NLRP13: variants seen among roughly 807,000 people sequenced by gnomAD.
NLRP13 encodes the protein NLR family pyrin domain containing 13, also known as NACHT, LRR and PYD domains-containing protein 13.
A neutral mutation model predicts 94.4 loss-of-function variants in NLRP13; 82 were observed. That is an observed-to-expected ratio of 0.87 (90% CI 0.73 to 1.04). The LOEUF is 1.04. NLRP13 is among the 50% of genes least tolerant of loss of function. NLRP13 has a pLI of 0.00. For missense variants in NLRP13, 1,426 were observed against 1,230.8 expected (o/e 1.16, Z -2.37); for synonymous variants, 553 against 464.7 (o/e 1.19, Z -2.45).
At chr19:55,925,547 C>T (rs957564383) in intron 1 of NLRP13, among the ~76,000 whole-genome samples, 3 of 152,102 alleles carry the variant, frequency 2.0e-5, no homozygotes, top group Admixed American at 6.5e-5. Context: ...CACAGAGAAG[C>T]CACTCTAATA....
rs2123150224 is a variant in NLRP13, at chr19:55,929,069, C to T, written c.319+2924G>A. ...TTATTAGAGAAATGCAAATCAAAAC[C>T]ACAATGAGATACCATCTCACGCCAG... On this transcript the variant is annotated intron_variant, in intron 1 of 10. Transcript: ENST00000342929. Among the ~76,000 whole-genome samples, 2 of 152,266 alleles carry T rather than the reference C, an allele frequency of 1.3e-5. 1 individual carries two copies. The highest frequency in any genetic ancestry group is 4.1e-4 in the South Asian group (2 of 4,830).
chr19:55,919,446 T>A (rs1444102372), intron 4 of NLRP13, among the ~76,000 whole-genome samples: 1 of 151,776 alleles, frequency 6.6e-6, no homozygotes, highest in Admixed American at 6.6e-5. Context: ...GTTGATATGA[T>A]CTTATATCTA....
rs1986517384 is a variant in NLRP13 at position 55,911,743 on chromosome 19, T to C, written c.2074A>G (p.Ser692Gly). The C allele has an allele frequency of 6.2e-7, 1 of 1,610,820 alleles. No individual in the cohort carries two copies. The highest frequency in any genetic ancestry group is 1.3e-5 in the African/African-American group (1 of 74,712). The part of the protein sequence containing the change: ...KRLNKLRLSV[S>G]SHILERDLEI... ...AAGTCCCTTTCAAGGATGTGACTGC[T>C]AACAGAAAGCCTTAGCTTATTTAAC... is the stretch of plus-strand genomic sequence containing the variant. The change falls in exon 5 of 11, where the codon AGC (serine) becomes GGC (glycine). Residue 692 changes from serine to glycine, a missense_variant. Coordinates refer to ENST00000342929, the MANE Select transcript of NLRP13 (RefSeq NM_176810.2).
chr19:55,923,498 A>G (rs1274682240), intron 4 of NLRP13, among the ~76,000 whole-genome samples: 2 of 152,128 alleles, frequency 1.3e-5, no homozygotes, highest in African/African-American at 4.8e-5. Context: ...GCGCAGGAGT[A>G]GGGGGTGGAA....
At chr19:55,927,177 T>C (rs1489816838) in intron 1 of NLRP13, among the ~76,000 whole-genome samples, 7 of 151,968 alleles carry the variant, frequency 4.6e-5, no homozygotes, top group Non-Finnish European at 8.8e-5. Context: ...GGGACCAGCC[T>C]GGCCAGCGTG....
intron 1 of NLRP13, among the ~76,000 whole-genome samples, chr19:55,930,898 A>ATATATATACATATATATATACATACACAT: frequency 1.6e-4 from 17 of 104,890 alleles, no homozygotes; most frequent in Admixed American, 2.2e-4. Context: ...ATATATATAT[A>ATATATATACATATATATATACATACACAT]AAATTTTAAC....
chr19:55,908,700 C>G (rs993459853), intron 6 of NLRP13, among the ~76,000 whole-genome samples: 3 of 152,190 alleles, frequency 2.0e-5, no homozygotes, highest in Non-Finnish European at 4.4e-5. Flanking sequence ...CATGTCCTCA[C>G]TTATAAGTGG....
rs942324743 is a variant in NLRP13 at position 55,920,215 on chromosome 19, C to T, written c.523+3699G>A. Among the ~76,000 whole-genome samples, 3 of 152,146 alleles carry T rather than the reference C, an allele frequency of 2.0e-5. No homozygotes were observed. The East Asian group carries it at 5.8e-4, about 29-fold the overall frequency. On this transcript the variant is annotated intron_variant, in intron 4 of 10. Transcript: ENST00000342929. ...AGAGATTTAAATGTAAGACCTGAAA[C>T]TGTAAAAATCCTAGAAGAAAATGTA...
intron 4 of NLRP13, among the ~76,000 whole-genome samples, chr19:55,922,520 G>C (rs916326369): frequency 6.6e-6 from 1 of 152,090 alleles, no homozygotes; most frequent in Non-Finnish European, 1.5e-5. Context: ...TATAGATGGG[G>C]TTTCACCATG....
chr19:55,912,302 G>A lies in NLRP13; in HGVS notation c.1515C>T (p.Ile505=), dbSNP rs304001. The A allele has an allele frequency of 0.61, 976,749 of 1,611,806 alleles. 297,918 individuals are homozygous for A. Among genetic ancestry groups the A allele is most frequent in the East Asian group, 0.71 (31,720 of 44,842 alleles). ...CAATGAAAGGCACTTCCAGGCCCTC[G>A]ATCTCAGTGTCTTCTTTGTTAAACG... The part of the protein sequence containing the change: ...NFTFNKEDTE[I]EGLEVPFIDS... The change falls in exon 5 of 11, where the codon ATC becomes ATT. Residue 505 remains isoleucine (I), a synonymous_variant. Coordinates refer to ENST00000342929, the MANE Select transcript of NLRP13 (RefSeq NM_176810.2).
chr19:55,911,860 T>C lies in NLRP13; in HGVS notation c.1957A>G (p.Lys653Glu). The change falls in exon 5 of 11, where the codon AAG (lysine) becomes GAG (glutamate). Residue 653 changes from lysine (K) to glutamate (E), a missense_variant. By Grantham distance (56) the Lys-to-Glu change is moderately conservative. Transcript: ENST00000342929. ...HESQEEDFTK[K>E]MLGRIFEVDL... ...ACTTCAAAGATACGACCCAACATCT[T>C]CTTTGTGAAGTCTTCCTCCTGGGAC... The C allele has an allele frequency of 6.2e-7, 1 of 1,614,214 alleles. No homozygotes were observed. The highest frequency in any genetic ancestry group is 8.5e-7 in the Non-Finnish European group (1 of 1,180,036).
chr19:55,904,155 C>T (rs961405770), intron 8 of NLRP13, among the ~76,000 whole-genome samples: 4 of 152,150 alleles, frequency 2.6e-5, no homozygotes, highest in African/African-American at 9.7e-5. Flanking sequence ...TGTAGTGGCA[C>T]GATCTCAGCT....
At chr19:55,922,676 T>A (rs1197116439) in intron 4 of NLRP13, among the ~76,000 whole-genome samples, 1 of 152,164 alleles carries the variant, frequency 6.6e-6, no homozygotes, top group Non-Finnish European at 1.5e-5. Flanking sequence ...ACAGAGGCCC[T>A]AGGAAACTAC....
chr19:55,897,855 C>G lies in NLRP13; in HGVS notation c.2957+915G>C, dbSNP rs1986056370. Reference sequence around the variant, plus strand: ...ACAATTTGAGTCGGTTCATTTGATACTAACAAATCCTAACACTGTTTCTGA... The same window carrying G: ...ACAATTTGAGTCGGTTCATTTGATAGTAACAAATCCTAACACTGTTTCTGA... On this transcript the variant is annotated intron_variant, in intron 10 of 10. Coordinates refer to ENST00000342929, the MANE Select transcript of NLRP13 (RefSeq NM_176810.2). 2.0e-5 allele frequency among the ~76,000 whole-genome samples: 3 copies of G among 152,150 alleles called. No homozygotes were observed. The South Asian group carries it at 6.2e-4, about 32-fold the overall frequency.
At chr19:55,896,820 CAAAAA>C (rs3073244) in intron 10 of NLRP13, among the ~76,000 whole-genome samples, 30 of 80,908 alleles carry the variant, frequency 3.7e-4, no homozygotes, top group Admixed American at 8.6e-4. Flanking sequence ...CTCCATCTCA[CAAAAA>C]AAAAAAAAAA....
chr19:55,916,305 T>TA (rs976848445), intron 4 of NLRP13, among the ~76,000 whole-genome samples: 1 of 152,114 alleles, frequency 6.6e-6, no homozygotes, highest in Non-Finnish European at 1.5e-5. Flanking sequence ...CTTGGCATAT[T>TA]AAAAAAACTC....
At chr19:55,897,795 T>C (rs1291690921) in intron 10 of NLRP13, among the ~76,000 whole-genome samples, 1 of 152,094 alleles carries the variant, frequency 6.6e-6, no homozygotes, top group African/African-American at 2.4e-5. Context: ...AGGTTTGAGG[T>C]GGCTGGTAAA....
chr19:55,903,871 C>T (rs572649504), intron 8 of NLRP13, among the ~76,000 whole-genome samples: 38 of 152,246 alleles, frequency 2.5e-4, no homozygotes, highest in African/African-American at 8.2e-4. Flanking sequence ...TATTTTTGTC[C>T]GGACTGTAGT....
chr19:55,912,564 A>G lies in NLRP13; in HGVS notation c.1253T>C (p.Leu418Pro). The part of the protein sequence containing the change: ...ILQQLRKNET[L>P]FHSCSAPMVC... The stretch of plus-strand genomic sequence containing the variant: ...CATGGGGGCACTGCAGGAATGAAAG[A>G]GAGTTTCGTTTTTTCTTAGCTGCTG... The change falls in exon 5 of 11, where the codon CTC (leucine) becomes CCC (proline). Residue 418 changes from leucine (L) to proline (P), a missense_variant. Transcript: ENST00000342929. 1 of 1,613,888 alleles carries G rather than the reference A, an allele frequency of 6.2e-7. No individual in the cohort carries two copies. Among genetic ancestry groups the G allele is most frequent in the Non-Finnish European group, 8.5e-7 (1 of 1,179,824 alleles).
Sources: gnomAD v4.1 joint callset for allele counts (sites outside exome capture counted in the v4.1 genomes callset) on GRCh38, gnomAD v4.1.1 for gene constraint, MANE v1.5 for transcripts, NCBI Gene and HGNC (gene_info 2026-07-23, HGNC 2026-07-21) for gene names.